The following RBPJ variants were observed in gnomAD, a reference collection of about 807,000 sequenced individuals.
The protein encoded by RBPJ is recombining binding protein suppressor of hairless.
A neutral mutation model predicts 67.8 loss-of-function variants in RBPJ; 9 were observed. That is an observed-to-expected ratio of 0.13 (90% CI 0.08 to 0.23). The LOEUF (loss-of-function observed/expected upper bound fraction) is 0.23. RBPJ is among the 10% of genes least tolerant of loss of function. RBPJ has a pLI of 1.00. For missense variants in RBPJ, 305 were observed against 595.6 expected (o/e 0.51, Z 5.08); for synonymous variants, 198 against 203.3 (o/e 0.97, Z 0.22).
chr4:26,249,381 C>T (rs1253736436), intron 1 of RBPJ, among the ~76,000 whole-genome samples: 4 of 152,042 alleles, frequency 2.6e-5, no homozygotes, highest in African/African-American at 4.8e-5. Context: ...TGGGGTCAGC[C>T]GGGTATGGTG....
intron 1 of RBPJ, among the ~76,000 whole-genome samples, chr4:26,385,380 A>G (rs911440991): frequency 5.9e-5 from 9 of 152,160 alleles, no homozygotes; most frequent in African/African-American, 2.2e-4. Context: ...CTTTGAGGTA[A>G]GCACAGTCAC....
intron 1 of RBPJ, among the ~76,000 whole-genome samples, chr4:26,259,368 C>T (rs1010421990): frequency 3.3e-5 from 5 of 152,110 alleles, no homozygotes; most frequent in Non-Finnish European, 5.9e-5. Flanking sequence ...AAAAAGTCAA[C>T]AAGAAAAAAT....
chr4:26,140,130 AG>A, the RBPJ span, among the ~76,000 whole-genome samples: 3 of 152,200 alleles, frequency 2.0e-5, no homozygotes, highest in African/African-American at 7.2e-5. Context: ...TATGGATAAA[AG>A]CACTTGGAAC....
chr4:26,170,048 G>A (rs767902575), intron 1 of RBPJ, among the ~76,000 whole-genome samples: 7 of 152,092 alleles, frequency 4.6e-5, no homozygotes, highest in African/African-American at 9.7e-5. Context: ...ATGCCTCACC[G>A]TGCTTCGGCT....
At chr4:26,352,362 TCCCATTC>T (rs1225456754) in intron 1 of RBPJ, among the ~76,000 whole-genome samples, 5 of 152,200 alleles carry the variant, frequency 3.3e-5, no homozygotes, top group African/African-American at 1.2e-4. Context: ...AGGACACTAA[TCCCATTC>T]ATGAGAGCTG....
At chr4:26,150,683 C>G in the RBPJ span, among the ~76,000 whole-genome samples, 1 of 152,180 alleles carries the variant, frequency 6.6e-6, no homozygotes, top group Admixed American at 6.5e-5. Context: ...AGGGCAAACA[C>G]TTACATGATT....
At chr4:26,120,242 T>G in the RBPJ span, among the ~76,000 whole-genome samples, 1 of 152,236 alleles carries the variant, frequency 6.6e-6, no homozygotes, top group East Asian at 1.9e-4. Context: ...AACTTGTTGC[T>G]GAGACCTGGA....
chr4:26,129,788 T>C, the RBPJ span, among the ~76,000 whole-genome samples: 2 of 152,194 alleles, frequency 1.3e-5, no homozygotes, highest in African/African-American at 2.4e-5. Flanking sequence ...AGATGGTCTA[T>C]CTAGGATGGA....
chr4:26,408,116 C>G (rs910807282), intron 3 of RBPJ, among the ~76,000 whole-genome samples: 2 of 151,878 alleles, frequency 1.3e-5, no homozygotes, highest in Non-Finnish European at 2.9e-5. Context: ...CTCAAGTGAT[C>G]CGCCTGCCTC....
At chr4:26,126,370 C>T in the RBPJ span, among the ~76,000 whole-genome samples, 4 of 152,332 alleles carry the variant, frequency 2.6e-5, no homozygotes, top group East Asian at 7.7e-4. Flanking sequence ...GGGGAATCCC[C>T]CATTGTGTAT....
At chr4:26,198,254 CAAAAAACA>C (rs56026517) in intron 1 of RBPJ, among the ~76,000 whole-genome samples, 97,211 of 148,840 alleles carry the variant, frequency 0.65, 32,544 homozygotes, top group African/African-American at 0.79. Context: ...AACTCCATCT[CAAAAAACA>C]AAAAAACAAA....
At chr4:26,280,975 G>A (rs747746195) in intron 1 of RBPJ, among the ~76,000 whole-genome samples, 6 of 151,938 alleles carry the variant, frequency 3.9e-5, no homozygotes, top group Non-Finnish European at 7.4e-5. Flanking sequence ...TAACCAAAAC[G>A]AAATACAGAA....
intron 1 of RBPJ, among the ~76,000 whole-genome samples, chr4:26,337,808 T>G (rs1007825711): frequency 6.8e-5 from 10 of 147,642 alleles, no homozygotes; most frequent in Non-Finnish European, 1.5e-4. Context: ...TCCCTCACCC[T>G]CCCCAGTAGC....
chr4:26,166,398 A>G (rs1334715423), intron 1 of RBPJ, among the ~76,000 whole-genome samples: 1 of 137,546 alleles, frequency 7.3e-6, no homozygotes, highest in African/African-American at 2.6e-5. Context: ...TGACTTTTTA[A>G]TGATCGCCAT....
At chr4:26,234,016 G>C (rs1468308346) in intron 1 of RBPJ, among the ~76,000 whole-genome samples, 1 of 152,178 alleles carries the variant, frequency 6.6e-6, no homozygotes, top group Non-Finnish European at 1.5e-5. Flanking sequence ...CTAGTTTGGG[G>C]TTTGGAGGTG....
chr4:26,341,745 T>C lies in RBPJ; in HGVS notation c.20+20697T>C, dbSNP rs1329876770. ...GACGGAGACAAAAACCTAAATGGAGTGGGAGAGAAATTGGAGACAGAAAGA... is the reference window on the plus strand; with the variant it reads ...GACGGAGACAAAAACCTAAATGGAGCGGGAGAGAAATTGGAGACAGAAAGA... On this transcript the variant is annotated intron_variant, in intron 1 of 10. Coordinates refer to ENST00000355476, the MANE Select transcript of RBPJ (RefSeq NM_015874.6). Among the ~76,000 whole-genome samples the C allele has an allele frequency of 1.1e-4, 16 of 150,510 alleles. No individual in the cohort carries two copies. The East Asian group carries it at 3.1e-3, about 29-fold the overall frequency.
the RBPJ span, chr4:26,113,749 T>C: frequency 3.7e-6 from 1 of 268,420 alleles, no homozygotes; most frequent in South Asian, 5.4e-5. Flanking sequence ...CCTATAAATG[T>C]AGTGAATGTG....
At chr4:26,184,272 C>T (rs1229471858) in intron 1 of RBPJ, among the ~76,000 whole-genome samples, 1 of 151,990 alleles carries the variant, frequency 6.6e-6, no homozygotes, top group Non-Finnish European at 1.5e-5. Context: ...TCAAGGGGCC[C>T]GTGGCCATAG....
the RBPJ span, among the ~76,000 whole-genome samples, chr4:26,137,100 T>C: frequency 3.3e-5 from 5 of 152,114 alleles, no homozygotes; most frequent in Non-Finnish European, 5.9e-5. Context: ...CCAGGTGTAA[T>C]TTCCCCACAG....
Sources: gnomAD v4.1 joint callset for allele counts (sites outside exome capture counted in the v4.1 genomes callset) on GRCh38, gnomAD v4.1.1 for gene constraint, MANE v1.5 for transcripts, NCBI Gene and HGNC (gene_info 2026-07-23, HGNC 2026-07-21) for gene names.